Variants in CDH18 observed in about 807,000 individuals in gnomAD.
CDH18 encodes cadherin 18.
In CDH18, 31 loss-of-function variants were observed where a neutral mutation model predicts 67.9. The observed-to-expected ratio is 0.46, with a 90% CI of 0.34 to 0.62. The LOEUF (loss-of-function observed/expected upper bound fraction) is 0.62, where lower values mean the gene tolerates loss of function less well. Among genes scored for constraint, CDH18 ranks in the 20% least tolerant of loss-of-function variants. The pLI is 0.01. For missense variants in CDH18, 890 were observed against 975.5 expected, an observed-to-expected ratio of 0.91 and a Z score of 1.17; for synonymous variants, 362 against 347.2, an observed-to-expected ratio of 1.04 and a Z score of -0.48.
intron 5 of CDH18, among the ~76,000 whole-genome samples, chr5:19,697,865 G>A (rs146619968): frequency 5.3e-5 from 8 of 152,180 alleles, no homozygotes; most frequent in African/African-American, 1.9e-4. Context: ...TGCCTGCCCA[G>A]GGATCCACCT....
intron 2 of CDH18, among the ~76,000 whole-genome samples, chr5:20,189,434 C>T (rs1042707910): frequency 6.6e-6 from 1 of 152,066 alleles, no homozygotes; most frequent in African/African-American, 2.4e-5. Flanking sequence ...CAAATGATAA[C>T]AATAGTTAAC....
At chr5:19,787,181 T>C (rs1775889762) in intron 3 of CDH18, among the ~76,000 whole-genome samples, 1 of 152,186 alleles carries the variant, frequency 6.6e-6, no homozygotes, top group Admixed American at 6.6e-5. Context: ...AGTCATTTTA[T>C]TTTTGTACAT....
At chr5:20,283,336 T>C (rs1746434707) in intron 1 of CDH18, among the ~76,000 whole-genome samples, 2 of 151,970 alleles carry the variant, frequency 1.3e-5, no homozygotes, top group African/African-American at 4.8e-5. Context: ...GGAAAATATT[T>C]GCAAAATATC....
chr5:19,899,465 CA>C (rs1789699522), intron 2 of CDH18, among the ~76,000 whole-genome samples: 1 of 151,568 alleles, frequency 6.6e-6, no homozygotes, highest in Non-Finnish European at 1.5e-5. Context: ...TAGGTGTTGG[CA>C]AATATGTCAA....
intron 3 of CDH18, among the ~76,000 whole-genome samples, chr5:19,755,431 GTATA>G (rs1256145011): frequency 1.3e-5 from 1 of 77,372 alleles, no homozygotes; most frequent in African/African-American, 4.1e-5. Flanking sequence ...AACAGGGTAT[GTATA>G]TATATATATA....
At chr5:20,290,294 A>C (rs1437523186) in intron 1 of CDH18, among the ~76,000 whole-genome samples, 2 of 152,126 alleles carry the variant, frequency 1.3e-5, no homozygotes. Context: ...ACTGCTCAAC[A>C]CACACAGCTA....
chr5:19,478,068 T>G (rs1244359703), intron 12 of CDH18, among the ~76,000 whole-genome samples: 1 of 152,166 alleles, frequency 6.6e-6, no homozygotes, highest in East Asian at 1.9e-4. Flanking sequence ...ATGAATTAAT[T>G]TTATCATCAA....
chr5:19,518,456 T>TAACATTTGAGTC (rs1165322917), intron 10 of CDH18, among the ~76,000 whole-genome samples: 1 of 152,002 alleles, frequency 6.6e-6, no homozygotes, highest in Non-Finnish European at 1.5e-5. Flanking sequence ...CAAAGGAGAT[T>TAACATTTGAGTC]AACATTTGAG....
At chr5:20,037,388 A>C (rs1207451310) in intron 2 of CDH18, among the ~76,000 whole-genome samples, 1 of 152,020 alleles carries the variant, frequency 6.6e-6, no homozygotes, top group African/African-American at 2.4e-5. Context: ...CTCCACCCCA[A>C]ATCAACAGAA....
At chr5:19,945,273 G>T (rs1309851224) in intron 2 of CDH18, among the ~76,000 whole-genome samples, 1 of 152,126 alleles carries the variant, frequency 6.6e-6, no homozygotes, top group African/African-American at 2.4e-5. Context: ...TCAAGCTGGG[G>T]ATACAGAAGT....
At chr5:19,625,468 A>G (rs1751399543) in intron 5 of CDH18, among the ~76,000 whole-genome samples, 3 of 151,946 alleles carry the variant, frequency 2.0e-5, no homozygotes, top group South Asian at 2.1e-4. Flanking sequence ...ACAAAAAAAA[A>G]GCAAAAAAGT....
At chr5:20,138,274 C>A (rs1749918529) in intron 2 of CDH18, among the ~76,000 whole-genome samples, 1 of 152,004 alleles carries the variant, frequency 6.6e-6, no homozygotes, top group Admixed American at 6.6e-5. Context: ...GCCCTTCATG[C>A]TAAAAACTCT....
intron 1 of CDH18, among the ~76,000 whole-genome samples, chr5:20,310,693 T>C (rs1306493023): frequency 6.6e-6 from 1 of 152,218 alleles, no homozygotes; most frequent in Non-Finnish European, 1.5e-5. Context: ...CATTAACATT[T>C]TCTCCCTCAT....
chr5:20,407,154 C>A (rs551119044), intron 1 of CDH18, among the ~76,000 whole-genome samples: 1 of 152,190 alleles, frequency 6.6e-6, no homozygotes, highest in Non-Finnish European at 1.5e-5. Flanking sequence ...CTTGCCACAG[C>A]TATCTGGCTA....
At chr5:19,982,873 T>C (rs1012814620) in intron 1 of CDH18, among the ~76,000 whole-genome samples, 1 of 151,878 alleles carries the variant, frequency 6.6e-6, no homozygotes, top group Non-Finnish European at 1.5e-5. Context: ...TGAAACCCCA[T>C]CTCTACTAAT....
intron 2 of CDH18, among the ~76,000 whole-genome samples, chr5:20,132,614 C>T (rs1443576922): frequency 6.6e-6 from 1 of 152,066 alleles, no homozygotes; most frequent in Non-Finnish European, 1.5e-5. Context: ...TGTCTCCTCT[C>T]CTGGCGTATA....
At chr5:19,820,928 A>T (rs886212905) in intron 3 of CDH18, among the ~76,000 whole-genome samples, 3 of 152,214 alleles carry the variant, frequency 2.0e-5, no homozygotes, top group Non-Finnish European at 4.4e-5. Context: ...ACAGGAAAAA[A>T]AATAAAAATA....
intron 11 of CDH18, among the ~76,000 whole-genome samples, chr5:19,488,554 C>CT (rs1462052517): frequency 6.6e-6 from 1 of 152,106 alleles, no homozygotes; most frequent in African/African-American, 2.4e-5. Context: ...CATATTGTCT[C>CT]TGAGTTTTTT....
At chr5:19,719,819 G>A (rs769195472) in intron 5 of CDH18, among the ~76,000 whole-genome samples, 44 of 150,978 alleles carry the variant, frequency 2.9e-4, no homozygotes, top group Non-Finnish European at 5.6e-4. Flanking sequence ...ATCTATATAT[G>A]TTCTACGTTG....
Sources: allele counts gnomAD v4.1 joint callset (sites outside exome capture counted in the v4.1 genomes callset), GRCh38; gene constraint gnomAD v4.1.1; transcripts MANE v1.5; gene names NCBI Gene and HGNC (gene_info 2026-07-23, HGNC 2026-07-21).